ATXN3: variants seen among roughly 807,000 people sequenced by gnomAD.
ATXN3 encodes the protein ataxin-3.
ATXN3 carries 28 observed loss-of-function variants against 58.2 expected under a neutral mutation model. The ratio of observed to expected loss-of-function variants is 0.48; its 90% confidence interval spans 0.36 to 0.66. ATXN3 has a LOEUF of 0.66. Among genes scored for constraint, ATXN3 ranks in the 30% least tolerant of loss-of-function variants. The probability of loss-of-function intolerance (pLI) is 0.00; values close to 1 mark genes in which losing one functional copy is unlikely to be tolerated. For missense variants in ATXN3, 321 were observed against 422.1 expected (o/e 0.76, Z 2.10); for synonymous variants, 113 against 138.5 (o/e 0.82, Z 1.29).
intron 2 of ATXN3, among the ~76,000 whole-genome samples, chr14:92,047,729 A>T (rs2057433704): frequency 6.6e-6 from 1 of 152,164 alleles, no homozygotes; most frequent in Non-Finnish European, 1.5e-5. Context: ...AAGAGTACAT[A>T]AAAGAATGTT....
At chr14:92,103,289 GA>G (rs2067295836) in intron 1 of ATXN3, among the ~76,000 whole-genome samples, 1 of 147,030 alleles carries the variant, frequency 6.8e-6, no homozygotes, top group Admixed American at 7.3e-5. Flanking sequence ...ACATGGTTGG[GA>G]AAAACATGCA....
rs1454264314 is a variant in ATXN3, at chr14:92,059,486, C to T, written c.*4834G>A. On this transcript the variant is annotated 3_prime_UTR_variant, in exon 11 of 11. Coordinates refer to ENST00000644486, the MANE Select transcript of ATXN3 (RefSeq NM_004993.6). ...TCTTAATTAGGGTCACATATATATCCATACTTAAGGACTCGATACAACAAA... is the reference window on the plus strand; with the variant it reads ...TCTTAATTAGGGTCACATATATATCTATACTTAAGGACTCGATACAACAAA... 1 of 152,008 alleles carries T rather than the reference C, an allele frequency of 6.6e-6. No homozygotes were observed. Among genetic ancestry groups the T allele is most frequent in the Non-Finnish European group, 1.5e-5 (1 of 68,002 alleles). The allele number at this position is 152,008 out of a possible 1,614,324, so 9.4% of individuals were successfully genotyped here.
At chr14:92,097,955 T>A (rs1292264134) in intron 1 of ATXN3, among the ~76,000 whole-genome samples, 1 of 152,172 alleles carries the variant, frequency 6.6e-6, no homozygotes, top group East Asian at 1.9e-4. Flanking sequence ...AATTACATGA[T>A]CAAAAATTTA....
intron 10 of ATXN3, among the ~76,000 whole-genome samples, chr14:92,068,093 A>G (rs1595525455): frequency 6.6e-6 from 1 of 152,242 alleles, no homozygotes; most frequent in East Asian, 1.9e-4. Context: ...CATCACCCAT[A>G]TAGGAGCCAG....
intron 5 of ATXN3, among the ~76,000 whole-genome samples, chr14:92,092,450 T>C (rs2064054964): frequency 6.6e-6 from 1 of 152,244 alleles, no homozygotes; most frequent in Non-Finnish European, 1.5e-5. Flanking sequence ...TGATTTTCTG[T>C]AGACGTACGT....
At chr14:92,104,906 G>A (rs1185875967) in intron 1 of ATXN3, among the ~76,000 whole-genome samples, 3 of 131,702 alleles carry the variant, frequency 2.3e-5, no homozygotes, top group Non-Finnish European at 4.7e-5. Flanking sequence ...TGGGTGACAA[G>A]AGCCAAACTC....
chr14:92,083,489 C>T (rs1259783841), intron 6 of ATXN3: 11 of 636,422 alleles, frequency 1.7e-5, no homozygotes, highest in Middle Eastern at 2.5e-4. Context: ...CTGGAAGAGC[C>T]GTCTCATTGA....
At chr14:92,077,770 A>C (rs1452558767) in intron 9 of ATXN3, among the ~76,000 whole-genome samples, 1 of 151,266 alleles carries the variant, frequency 6.6e-6, no homozygotes, top group Admixed American at 6.6e-5. Context: ...TCAGCCTCCA[A>C]AGTAGCTGTG....
At chr14:92,047,568 G>A (rs969798986) in intron 2 of ATXN3, among the ~76,000 whole-genome samples, 9 of 152,114 alleles carry the variant, frequency 5.9e-5, no homozygotes, top group African/African-American at 2.2e-4. Flanking sequence ...AAGGTTGGGG[G>A]ATACGAGAGG....
upstream of ATXN3, among the ~76,000 whole-genome samples, chr14:92,050,142 T>TTG (rs2057443012): frequency 1.7e-5 from 2 of 116,820 alleles, no homozygotes; most frequent in African/African-American, 7.5e-5. Context: ...GACTTTGCTC[T>TTG]CGTGTGTGTG....
intron 5 of ATXN3, 129 bp downstream of exon 5, chr14:92,093,123 T>A: frequency 4.2e-6 from 2 of 480,526 alleles, no homozygotes; most frequent in Non-Finnish European, 7.5e-6. Context: ...CTCAAACTCC[T>A]GGCTTCAAGT....
chr14:92,106,540 A>G lies in ATXN3; in HGVS notation c.13T>C (p.Phe5Leu). The G allele has an allele frequency of 6.2e-7, 1 of 1,613,344 alleles. No homozygotes were observed. Reference sequence around the variant, plus strand: ...ACGCGGACACTCACTTTCTCGTGGAAGATGGACTCCATGTTTATTTGTCTG... The same window carrying G: ...ACGCGGACACTCACTTTCTCGTGGAGGATGGACTCCATGTTTATTTGTCTG... Reference protein sequence around the residue: MESIFHEKQEGSLCA... With the variant: MESILHEKQEGSLCA... Residue 5 changes from phenylalanine (F) to leucine (L), a missense_variant, in exon 1 of 11, where the codon TTC (phenylalanine) becomes CTC (leucine). Phe to Leu is a conservative substitution (Grantham distance 22). Transcript: ENST00000644486.
intron 10 of ATXN3, 69 bp downstream of exon 10, chr14:92,070,866 T>C (rs766858483): frequency 1.2e-6 from 2 of 1,612,460 alleles, no homozygotes; most frequent in South Asian, 1.1e-5. Flanking sequence ...AAAGCAAAAA[T>C]CACATGGAGC....
chr14:92,099,473 A>C (rs1419709042), intron 1 of ATXN3, among the ~76,000 whole-genome samples: 1 of 152,204 alleles, frequency 6.6e-6, no homozygotes, highest in Non-Finnish European at 1.5e-5. Context: ...TTTTGTTTCC[A>C]CTTCTTTCTC....
downstream of ATXN3, chr14:92,058,353 CT>C: frequency 6.6e-6 from 1 of 152,254 alleles, no homozygotes; most frequent in Non-Finnish European, 1.5e-5. Context: ...TCCATCCATA[CT>C]TTTTTCCTGT....
intron 6 of ATXN3, among the ~76,000 whole-genome samples, chr14:92,085,337 A>C (rs2062209623): frequency 6.6e-6 from 1 of 151,706 alleles, no homozygotes; most frequent in African/African-American, 2.4e-5. Context: ...CAGGTGCACA[A>C]CACCACACCC....
chr14:92,052,493 GA>G (rs370788864), upstream of ATXN3, among the ~76,000 whole-genome samples: 5,365 of 141,722 alleles, frequency 0.038, 205 homozygotes, highest in African/African-American at 0.1. Context: ...CCATCTCAAA[GA>G]AAAAAAAAAA....
chr14:92,049,049 C>G (rs1388787156), intron 1 of ATXN3, among the ~76,000 whole-genome samples: 1 of 152,178 alleles, frequency 6.6e-6, no homozygotes, highest in East Asian at 1.9e-4. Context: ...ATCCAAAGTG[C>G]TATTCTCTGG....
intron 1 of ATXN3, among the ~76,000 whole-genome samples, chr14:92,048,444 C>G (rs1219102391): frequency 2.0e-5 from 3 of 152,146 alleles, no homozygotes; most frequent in African/African-American, 4.8e-5. Flanking sequence ...TAATAAAATG[C>G]ATGTTGAGAA....
Sources: allele counts gnomAD v4.1 joint callset (sites outside exome capture counted in the v4.1 genomes callset), GRCh38; gene constraint gnomAD v4.1.1; transcripts MANE v1.5; gene names NCBI Gene and HGNC (gene_info 2026-07-23, HGNC 2026-07-21).